FBXW10B: variants seen among roughly 807,000 people sequenced by gnomAD.
FBXW10B encodes F-box and WD repeat domain containing 10B.
the FBXW10B span, among the ~76,000 whole-genome samples, chr17:15,596,030 C>T: frequency 6.6e-6 from 1 of 151,654 alleles, no homozygotes; most frequent in Non-Finnish European, 1.5e-5. Context: ...AAGCGCCCAC[C>T]ACCATGCCCG....
At chr17:15,600,199 G>A in the FBXW10B span, among the ~76,000 whole-genome samples, 1 of 144,964 alleles carries the variant, frequency 6.9e-6, no homozygotes, top group Non-Finnish European at 1.5e-5. Flanking sequence ...CTGGGTGACA[G>A]AGCGAGACTC....
At chr17:15,576,970 A>G in the FBXW10B span, among the ~76,000 whole-genome samples, 2 of 140,740 alleles carry the variant, frequency 1.4e-5, no homozygotes, top group South Asian at 4.7e-4. Flanking sequence ...ACCAGTAAGC[A>G]CTTAAGCAAA....
chr17:15,594,532 A>G, the FBXW10B span: 1 of 670,394 alleles, frequency 1.5e-6, no homozygotes, highest in South Asian at 2.5e-5. Flanking sequence ...TTACTTCACA[A>G]GAAAAACAAG....
chr17:15,586,568 T>C, the FBXW10B span, among the ~76,000 whole-genome samples: 1 of 151,692 alleles, frequency 6.6e-6, no homozygotes, highest in Non-Finnish European at 1.5e-5. Flanking sequence ...TAATATGCAT[T>C]TTCCATGAAC....
chr17:15,595,125 A>G, the FBXW10B span, among the ~76,000 whole-genome samples: 2,163 of 152,182 alleles, frequency 0.014, 47 homozygotes, highest in African/African-American at 0.049. Context: ...GCGGATCACA[A>G]GGTCAGGATA....
the FBXW10B span, chr17:15,619,449 A>G: frequency 1.2e-6 from 2 of 1,614,000 alleles, no homozygotes; most frequent in Non-Finnish European, 1.7e-6. Flanking sequence ...AGAGGGATGG[A>G]ATCGGTTCCC....
At chr17:15,579,224 T>G in the FBXW10B span, among the ~76,000 whole-genome samples, 1 of 152,114 alleles carries the variant, frequency 6.6e-6, no homozygotes, top group African/African-American at 2.4e-5. Flanking sequence ...AATGTAATTA[T>G]GCCAAATATA....
At chr17:15,612,139 A>C in the FBXW10B span, among the ~76,000 whole-genome samples, 1 of 152,188 alleles carries the variant, frequency 6.6e-6, no homozygotes, top group African/African-American at 2.4e-5. Flanking sequence ...AGGGGCTTTG[A>C]AGTAAGGAAG....
the FBXW10B span, among the ~76,000 whole-genome samples, chr17:15,593,129 G>C: frequency 1.3e-5 from 2 of 150,608 alleles, no homozygotes; most frequent in African/African-American, 4.9e-5. Context: ...AAAATGAACA[G>C]TTGATTGCTT....
At chr17:15,597,472 A>C in the FBXW10B span, among the ~76,000 whole-genome samples, 1 of 151,292 alleles carries the variant, frequency 6.6e-6, no homozygotes, top group Non-Finnish European at 1.5e-5. Flanking sequence ...CTAAAAAAAA[A>C]AAAAAAAAAA....
At chr17:15,585,884 G>A in the FBXW10B span, among the ~76,000 whole-genome samples, 519 of 151,600 alleles carry the variant, frequency 3.4e-3, 2 homozygotes, top group African/African-American at 0.012. Context: ...GATTGTCTTT[G>A]TGTTCAGGAT....
At chr17:15,567,867 A>G in the FBXW10B span, among the ~76,000 whole-genome samples, 2 of 152,236 alleles carry the variant, frequency 1.3e-5, no homozygotes, top group Non-Finnish European at 2.9e-5. Context: ...GCTTTAAAAT[A>G]TAATACTTGT....
At chr17:15,594,340 T>C in the FBXW10B span, among the ~76,000 whole-genome samples, 1 of 151,404 alleles carries the variant, frequency 6.6e-6, no homozygotes, top group East Asian at 2.0e-4. Flanking sequence ...GGTGTGGTGG[T>C]GGGCGCCTGT....
the FBXW10B span, among the ~76,000 whole-genome samples, chr17:15,599,043 C>T: frequency 1.3e-5 from 2 of 151,904 alleles, no homozygotes; most frequent in Non-Finnish European, 2.9e-5. Flanking sequence ...GGCATGGTGG[C>T]GTGCACCTAT....
chr17:15,583,674 A>G, the FBXW10B span, among the ~76,000 whole-genome samples: 7,642 of 145,036 alleles, frequency 0.053, 398 homozygotes, highest in East Asian at 0.13. Flanking sequence ...GGAAAGAAGA[A>G]GCTCAGCAAG....
the FBXW10B span, among the ~76,000 whole-genome samples, chr17:15,594,061 A>C: frequency 1.3e-5 from 2 of 152,088 alleles, no homozygotes; most frequent in Non-Finnish European, 1.5e-5. Flanking sequence ...CTGATGTCAC[A>C]ATCTTTTTTT....
At chr17:15,598,542 G>T in the FBXW10B span, 1 of 1,613,630 alleles carries the variant, frequency 6.2e-7, no homozygotes, top group South Asian at 1.1e-5. Flanking sequence ...CTTTTACCTG[G>T]CAATCTCTTC....
chr17:15,594,921 C>T, the FBXW10B span: 2 of 1,611,906 alleles, frequency 1.2e-6, no homozygotes, highest in Admixed American at 3.3e-5. Flanking sequence ...GTCTTCAACT[C>T]AGACTGTGAC....
chr17:15,598,857 T>C, the FBXW10B span: 1 of 1,022,066 alleles, frequency 9.8e-7, no homozygotes, highest in Non-Finnish European at 1.4e-6. Context: ...AAGTTTCCTT[T>C]CCTCATTGAT....
Sources: allele counts gnomAD v4.1 joint callset (sites outside exome capture counted in the v4.1 genomes callset), GRCh38; gene constraint gnomAD v4.1.1; transcripts MANE v1.5; gene names NCBI Gene and HGNC (gene_info 2026-07-23, HGNC 2026-07-21).